The following GPR39 variants were observed in gnomAD, a reference collection of about 807,000 sequenced individuals.
GPR39 encodes the protein zinc sensing receptor.
A neutral mutation model predicts 18.4 loss-of-function variants in GPR39; 23 were observed. The observed-to-expected ratio is 1.25, with a 90% CI of 0.90 to 1.77. GPR39 has a LOEUF of 1.77. GPR39 is among the 40% of genes most tolerant of loss of function. GPR39 has a pLI of 0.00. For missense variants in GPR39, 647 were observed against 602.4 expected (o/e 1.07, Z -0.78); for synonymous variants, 280 against 257.9 (o/e 1.09, Z -0.82).
intron 1 of GPR39, among the ~76,000 whole-genome samples, chr2:132,510,646 G>T (rs1431967036): frequency 6.6e-6 from 1 of 152,194 alleles, no homozygotes; most frequent in Admixed American, 6.5e-5. Flanking sequence ...AGGCCACCCA[G>T]AGAATAGTCC....
At chr2:132,621,903 T>C (rs1013152814) in intron 1 of GPR39, among the ~76,000 whole-genome samples, 2 of 152,092 alleles carry the variant, frequency 1.3e-5, no homozygotes, top group East Asian at 1.9e-4. Flanking sequence ...GCAGCTTCCA[T>C]AGGGTGCTGG....
At position 132,618,595 on chromosome 2, in the gene GPR39, C is replaced by T. The variant is rs886760700; in HGVS notation, c.857-26506C>T. Among the ~76,000 whole-genome samples the T allele has an allele frequency of 4.6e-5, 7 of 152,140 alleles. No individual in the cohort carries two copies. In the South Asian group the frequency reaches 1.0e-3, roughly 23 times the overall value. On this transcript the variant is annotated intron_variant, in intron 1 of 1. Transcript: ENST00000329321. ...TGGGTGCCAAGGAGCCCAGGGAAACCGAGGCCACTGCTGGAAGGATGAAGG... is the reference window on the plus strand; with the variant it reads ...TGGGTGCCAAGGAGCCCAGGGAAACTGAGGCCACTGCTGGAAGGATGAAGG...
rs78628375 is a variant in GPR39, at chr2:132,440,967, C to T, written c.856+23069C>T. The stretch of plus-strand genomic sequence containing the variant: ...CCTTTGTCTGCCTGAAGGACACGCT[C>T]TTCTCTGCTGTTTGTCTATGTGGGT... On this transcript the variant is annotated intron_variant, in intron 1 of 1. Transcript: ENST00000329321. Among the ~76,000 whole-genome samples, 19 of 152,324 alleles carry T rather than the reference C, an allele frequency of 1.2e-4. No individual in the cohort carries two copies. The East Asian group carries it at 3.7e-3, about 29-fold the overall frequency.
intron 1 of GPR39, among the ~76,000 whole-genome samples, chr2:132,545,026 G>C (rs1013285422): frequency 3.3e-5 from 5 of 152,232 alleles, no homozygotes; most frequent in African/African-American, 1.2e-4. Context: ...AAGGGGAAAA[G>C]AGGTTCTTAA....
At chr2:132,490,444 G>A (rs544248163) in intron 1 of GPR39, among the ~76,000 whole-genome samples, 1 of 151,826 alleles carries the variant, frequency 6.6e-6, no homozygotes, top group African/African-American at 2.4e-5. Context: ...GATATTTAAC[G>A]TATACTTAAT....
chr2:132,639,658 A>G (rs1681824493), intron 1 of GPR39, among the ~76,000 whole-genome samples: 1 of 152,188 alleles, frequency 6.6e-6, no homozygotes, highest in Admixed American at 6.5e-5. Flanking sequence ...AGATGGAGTC[A>G]TTGTAGGCTA....
chr2:132,540,726 T>C (rs1679846788), intron 1 of GPR39, among the ~76,000 whole-genome samples: 1 of 151,698 alleles, frequency 6.6e-6, no homozygotes, highest in South Asian at 2.1e-4. Flanking sequence ...AAGGCAATCT[T>C]GGTGTTACTG....
intron 1 of GPR39, among the ~76,000 whole-genome samples, chr2:132,423,829 C>A (rs1239132104): frequency 6.6e-6 from 1 of 152,342 alleles, no homozygotes; most frequent in African/African-American, 2.4e-5. Flanking sequence ...TCCCTCAACA[C>A]TGTACCTCAT....
At position 132,646,223 on chromosome 2, in the gene GPR39, C is replaced by T. The variant is rs1341271689; in HGVS notation, c.*617C>T. On this transcript the variant is annotated 3_prime_UTR_variant, in exon 2 of 2. Coordinates refer to ENST00000329321, the MANE Select transcript of GPR39 (RefSeq NM_001508.3). ...CCCTGGGGAGCAGAAGGACTGGTAC[C>T]CGGCAGAGGCGATGAGACAGGCCGC... is the stretch of plus-strand genomic sequence containing the variant. The T allele has an allele frequency of 1.3e-6, 2 of 1,596,158 alleles. No homozygotes were observed. Among genetic ancestry groups the T allele is most frequent in the Admixed American group, 1.7e-5 (1 of 58,366 alleles).
intron 1 of GPR39, among the ~76,000 whole-genome samples, chr2:132,532,813 C>A (rs1459045298): frequency 6.6e-6 from 1 of 151,998 alleles, no homozygotes; most frequent in South Asian, 2.1e-4. Flanking sequence ...TGCTAAAAAC[C>A]CTCAATAAAT....
chr2:132,432,860 C>G (rs546721957), intron 1 of GPR39, among the ~76,000 whole-genome samples: 1 of 152,250 alleles, frequency 6.6e-6, no homozygotes, highest in Admixed American at 6.5e-5. Context: ...ATAAACTGGT[C>G]TAAGGTTGAT....
At position 132,608,760 on chromosome 2, in the gene GPR39, C is replaced by T. The variant is rs113882286; in HGVS notation, c.857-36341C>T. Reference sequence around the variant, plus strand: ...TCTGAGAGCATCTGGGGTCAGCTCACCTTTAAGTAGCCATTAGCCCCCTCC... The same window carrying T: ...TCTGAGAGCATCTGGGGTCAGCTCATCTTTAAGTAGCCATTAGCCCCCTCC... On this transcript the variant is annotated intron_variant, in intron 1 of 1. Coordinates refer to ENST00000329321, the MANE Select transcript of GPR39 (RefSeq NM_001508.3). 9.1e-3 allele frequency among the ~76,000 whole-genome samples: 1,386 copies of T among 152,286 alleles called. 23 individuals carry two copies. Among genetic ancestry groups the T allele is most frequent in the African/African-American group, 0.032 (1,316 of 41,552 alleles).
intron 1 of GPR39, among the ~76,000 whole-genome samples, chr2:132,512,526 A>G (rs1232624210): frequency 1.3e-5 from 2 of 152,108 alleles, no homozygotes; most frequent in African/African-American, 4.8e-5. Context: ...GAGGTTGGGG[A>G]TTCCAGTTTC....
intron 1 of GPR39, among the ~76,000 whole-genome samples, chr2:132,490,355 CT>C (rs901950072): frequency 6.6e-6 from 1 of 151,896 alleles, no homozygotes; most frequent in Non-Finnish European, 1.5e-5. Flanking sequence ...ATCCAGTTTT[CT>C]TTTTTTCAGG....
intron 1 of GPR39, among the ~76,000 whole-genome samples, chr2:132,639,439 C>T (rs975565066): frequency 6.6e-6 from 1 of 152,150 alleles, no homozygotes. Context: ...ACCCTCAAGG[C>T]TTCAATGATT....
At chr2:132,530,988 G>A (rs541711581) in intron 1 of GPR39, among the ~76,000 whole-genome samples, 48 of 152,130 alleles carry the variant, frequency 3.2e-4, no homozygotes, top group African/African-American at 1.1e-3. Flanking sequence ...GACAGGATCA[G>A]ATTCACACAT....
intron 1 of GPR39, among the ~76,000 whole-genome samples, chr2:132,586,413 G>A (rs1680733715): frequency 1.3e-5 from 2 of 152,188 alleles, no homozygotes; most frequent in African/African-American, 4.8e-5. Context: ...CGTGCTGGCT[G>A]ACCAAACGGT....
intron 1 of GPR39, among the ~76,000 whole-genome samples, chr2:132,609,987 A>G (rs1327274378): frequency 6.6e-6 from 1 of 151,852 alleles, no homozygotes; most frequent in East Asian, 1.9e-4. Flanking sequence ...TCTGCTTGGT[A>G]CCTGCCTGTT....
At chr2:132,549,079 A>T (rs978802540) in intron 1 of GPR39, among the ~76,000 whole-genome samples, 1 of 152,108 alleles carries the variant, frequency 6.6e-6, no homozygotes, top group African/African-American at 2.4e-5. Context: ...TTCTCTCCTT[A>T]ATGGTGTGTC....
Sources: allele counts gnomAD v4.1 joint callset (sites outside exome capture counted in the v4.1 genomes callset), GRCh38; gene constraint gnomAD v4.1.1; transcripts MANE v1.5; gene names NCBI Gene and HGNC (gene_info 2026-07-23, HGNC 2026-07-21).